NCOA1: variants seen among roughly 807,000 people sequenced by gnomAD.
NCOA1 encodes the protein Hin-2 protein.
NCOA1 carries 35 observed loss-of-function variants against 150.9 expected under a neutral mutation model. That is an observed-to-expected ratio of 0.23 (90% CI 0.18 to 0.31). The LOEUF (loss-of-function observed/expected upper bound fraction) is 0.31, where lower values mean the gene tolerates loss of function less well. Ranked by LOEUF, NCOA1 falls within the 10% of genes least tolerant of loss-of-function variation. The probability of loss-of-function intolerance (pLI) is 1.00; values close to 1 mark genes in which losing one functional copy is unlikely to be tolerated. For synonymous variants in NCOA1, 590 were observed against 630.0 expected (o/e 0.94, Z 0.95); for missense variants, 1,491 against 1,749.3 (o/e 0.85, Z 2.63).
chr2:24,591,322 A>G (rs1178928964), intron 3 of NCOA1, among the ~76,000 whole-genome samples: 1 of 152,210 alleles, frequency 6.6e-6, no homozygotes, highest in Non-Finnish European at 1.5e-5. Flanking sequence ...TGTAGTTAAG[A>G]AAAAGTACAG....
chr2:24,523,626 A>T (rs1462460391), intron 1 of NCOA1, among the ~76,000 whole-genome samples: 2 of 126,390 alleles, frequency 1.6e-5, no homozygotes, highest in Non-Finnish European at 3.4e-5. Flanking sequence ...AAAAAAAAAA[A>T]AAAAGAAACT....
intron 1 of NCOA1, among the ~76,000 whole-genome samples, chr2:24,508,688 T>C (rs1198027138): frequency 6.6e-6 from 1 of 152,208 alleles, no homozygotes; most frequent in Non-Finnish European, 1.5e-5. Context: ...TAGAATTTCC[T>C]ACAGTCTGGA....
At chr2:24,740,683 C>G (rs940488493) in intron 18 of NCOA1, among the ~76,000 whole-genome samples, 4 of 152,172 alleles carry the variant, frequency 2.6e-5, no homozygotes, top group African/African-American at 9.6e-5. Flanking sequence ...ATCCAGATTT[C>G]AGTTTCTCTG....
intron 1 of NCOA1, among the ~76,000 whole-genome samples, chr2:24,544,399 A>G (rs1278409995): frequency 6.6e-6 from 1 of 152,168 alleles, no homozygotes; most frequent in Non-Finnish European, 1.5e-5. Flanking sequence ...AAATGTGCGG[A>G]GATGGAAGAG....
intron 3 of NCOA1, among the ~76,000 whole-genome samples, chr2:24,639,924 AT>A (rs1670117304): frequency 8.8e-5 from 1 of 11,422 alleles, no homozygotes; most frequent in African/African-American, 3.5e-4. Flanking sequence ...GTGTATATAT[AT>A]ATATATATAT....
intron 1 of NCOA1, among the ~76,000 whole-genome samples, chr2:24,545,796 TTTAC>T (rs1665583537): frequency 1.3e-5 from 2 of 152,200 alleles, no homozygotes; most frequent in Non-Finnish European, 2.9e-5. Context: ...ATTAGATTTA[TTTAC>T]TTATTTTTTT....
chr2:24,694,108 TAGA>T (rs1173007656), intron 10 of NCOA1, among the ~76,000 whole-genome samples: 4 of 152,190 alleles, frequency 2.6e-5, no homozygotes, highest in African/African-American at 9.7e-5. Context: ...TTAGAAGTAC[TAGA>T]AGGAGGGCAG....
intron 3 of NCOA1, among the ~76,000 whole-genome samples, chr2:24,614,765 A>G (rs143857752): frequency 6.6e-5 from 10 of 152,336 alleles, no homozygotes; most frequent in African/African-American, 2.4e-4. Context: ...TGACATAGAA[A>G]AAGTTATTTC....
intron 1 of NCOA1, among the ~76,000 whole-genome samples, chr2:24,505,675 A>G (rs1261430834): frequency 6.6e-6 from 1 of 152,056 alleles, no homozygotes; most frequent in Admixed American, 6.5e-5. Flanking sequence ...TTTTTAGGTC[A>G]TAGCATCCTT....
chr2:24,758,303 A>G (rs1664602196), intron 21 of NCOA1, 147 bp downstream of exon 21: 3 of 670,452 alleles, frequency 4.5e-6, no homozygotes, highest in Non-Finnish European at 6.6e-6. Context: ...CTCTTAAGAT[A>G]TACAATGAAA....
Position 24,491,397 on chromosome 2 carries a change from C to T in NCOA1, c.-601C>T, listed in dbSNP as rs1036227304. Among the ~76,000 whole-genome samples, 1 of 139,284 alleles carries T rather than the reference C, an allele frequency of 7.2e-6. No homozygotes were observed. The highest frequency in any genetic ancestry group is 1.5e-5 in the Non-Finnish European group (1 of 65,024). 91.4% of individuals were successfully genotyped at this position (139,284 alleles called of 152,430 possible). A position where few individuals can be genotyped will look rare whatever the true frequency, so the allele number is the denominator to read the frequency against. On this transcript the variant is annotated 5_prime_UTR_variant, in exon 1 of 23. Transcript: ENST00000348332. ...GCTGCCTCGCGGCCTTGAGGGCCTCCGCCGCCTGTTCGCTGCTGCTCCCTC... is the reference window on the plus strand; with the variant it reads ...GCTGCCTCGCGGCCTTGAGGGCCTCTGCCGCCTGTTCGCTGCTGCTCCCTC...
At chr2:24,701,936 G>GGAGGCGGAGGTTGCAGT (rs1325069015) in intron 11 of NCOA1, among the ~76,000 whole-genome samples, 1 of 152,218 alleles carries the variant, frequency 6.6e-6, no homozygotes, top group East Asian at 1.9e-4. Context: ...CTTGAACCCA[G>GGAGGCGGAGGTTGCAGT]GAGGCGGAGG....
At chr2:24,517,494 C>T (rs1254098778) in intron 1 of NCOA1, among the ~76,000 whole-genome samples, 7 of 152,092 alleles carry the variant, frequency 4.6e-5, no homozygotes, top group Non-Finnish European at 7.4e-5. Flanking sequence ...TTTATGTCTG[C>T]GAGAACCGTT....
chr2:24,651,727 G>T (rs1670719836), intron 4 of NCOA1, among the ~76,000 whole-genome samples: 1 of 152,004 alleles, frequency 6.6e-6, no homozygotes, highest in Non-Finnish European at 1.5e-5. Flanking sequence ...CAAAGGAGCT[G>T]AATAGACACA....
At chr2:24,747,440 C>T (rs1663990941) in intron 19 of NCOA1, among the ~76,000 whole-genome samples, 1 of 151,114 alleles carries the variant, frequency 6.6e-6, no homozygotes, top group Non-Finnish European at 1.5e-5. Context: ...AGTGATCCTC[C>T]CACCTCAGCC....
intron 1 of NCOA1, among the ~76,000 whole-genome samples, chr2:24,558,608 G>A (rs1027816581): frequency 3.5e-4 from 54 of 152,152 alleles, no homozygotes; most frequent in African/African-American, 1.3e-3. Context: ...GGGAATTCTG[G>A]GAGATACAAT....
chr2:24,535,337 T>A (rs1277534400), intron 1 of NCOA1, among the ~76,000 whole-genome samples: 2 of 152,164 alleles, frequency 1.3e-5, no homozygotes, highest in African/African-American at 2.4e-5. Context: ...TTTGAGCCTA[T>A]GTGTGTCTCT....
intron 1 of NCOA1, among the ~76,000 whole-genome samples, chr2:24,521,477 G>A (rs1277276640): frequency 1.3e-5 from 2 of 152,242 alleles, no homozygotes; most frequent in East Asian, 3.9e-4. Context: ...TATTTAGTGA[G>A]ATCATGTAAT....
intron 3 of NCOA1, among the ~76,000 whole-genome samples, chr2:24,587,874 G>A (rs1381426648): frequency 6.6e-6 from 1 of 152,222 alleles, no homozygotes; most frequent in Non-Finnish European, 1.5e-5. Context: ...GATTCAGTAA[G>A]TCTAGAGTAG....
Sources: allele counts gnomAD v4.1 joint callset (sites outside exome capture counted in the v4.1 genomes callset), GRCh38; gene constraint gnomAD v4.1.1; transcripts MANE v1.5; gene names NCBI Gene and HGNC (gene_info 2026-07-23, HGNC 2026-07-21).